The following LSG1 variants were observed in gnomAD, a reference collection of about 807,000 sequenced individuals.
The protein encoded by LSG1 is large subunit GTPase 1 homolog.
LSG1 carries 55 observed loss-of-function variants against 82.6 expected under a neutral mutation model. The observed-to-expected ratio is 0.67, with a 90% CI of 0.54 to 0.83. The LOEUF is 0.83. LSG1 is among the 40% of genes least tolerant of loss of function. LSG1 has a pLI of 0.00. For synonymous variants in LSG1, 272 were observed against 282.5 expected, an observed-to-expected ratio of 0.96 and a Z score of 0.37; for missense variants, 809 against 807.9, an observed-to-expected ratio of 1.00 and a Z score of -0.02.
chr3:194,652,884 A>T lies in LSG1; in HGVS notation c.1018T>A (p.Ser340Thr). The T allele has an allele frequency of 6.2e-7, 1 of 1,613,978 alleles. No individual in the cohort carries two copies. Among genetic ancestry groups the T allele is most frequent in the Non-Finnish European group, 8.5e-7 (1 of 1,180,024 alleles). ...CTCCGAGCCTCAGAATCTGCAGTAG[A>T]GCTTTCCTTCCAGTCCTGGCTGCAG... ...EDCSQDWKES[S>T]TADSEARSRK... The change falls in exon 8 of 14, where the codon TCT becomes ACT. Residue 340 changes from serine (S) to threonine (T), a missense_variant. By Grantham distance (58) the Ser-to-Thr change is moderately conservative (BLOSUM62 1). Coordinates refer to ENST00000265245, the MANE Select transcript of LSG1 (RefSeq NM_018385.3).
intron 7 of LSG1, among the ~76,000 whole-genome samples, chr3:194,654,201 G>A (rs1379040714): frequency 6.6e-6 from 1 of 152,188 alleles, no homozygotes; most frequent in Non-Finnish European, 1.5e-5. Context: ...TGTGTGAAAT[G>A]TGGCAGCAAA....
chr3:194,668,572 C>A (rs144580991), intron 2 of LSG1, among the ~76,000 whole-genome samples: 6 of 152,306 alleles, frequency 3.9e-5, no homozygotes, highest in African/African-American at 1.2e-4. Context: ...TTTACTCTAG[C>A]TCCTTAAGTG....
rs554502677 is a variant in LSG1 at position 194,641,006 on chromosome 3, A to C, written c.*1062T>G. ...GATGTGATGAGGACTCAATATCAGG[A>C]GAACAGCACTGAGCGGGTGGTGCTA... is the stretch of plus-strand genomic sequence containing the variant. On this transcript the variant is annotated 3_prime_UTR_variant, in exon 14 of 14. Coordinates refer to ENST00000265245, the MANE Select transcript of LSG1 (RefSeq NM_018385.3). The C allele has an allele frequency of 1.3e-5, 2 of 152,354 alleles. No homozygotes were observed. Among genetic ancestry groups the C allele is most frequent in the South Asian group, 4.1e-4 (2 of 4,830 alleles). 9.4% of individuals were successfully genotyped at this position (152,354 alleles called of 1,614,324 possible).
intron 12 of LSG1, chr3:194,645,531 GACAGACACACACACAC>G (rs1718512021): frequency 4.3e-4 from 15 of 35,116 alleles, no homozygotes; most frequent in African/African-American, 2.0e-3. Flanking sequence ...CACACACACA[GACAGACACACACACAC>G]ACACACACAC....
chr3:194,667,487 C>T (rs905808463), intron 2 of LSG1, among the ~76,000 whole-genome samples: 1 of 152,182 alleles, frequency 6.6e-6, no homozygotes, highest in African/African-American at 2.4e-5. Context: ...CTTCTCTTTC[C>T]CTGCCATAGT....
intron 1 of LSG1, chr3:194,671,834 C>T: frequency 3.5e-6 from 2 of 564,246 alleles, no homozygotes; most frequent in Non-Finnish European, 6.2e-6. Flanking sequence ...TTCAGATTCT[C>T]ACTCCACGCC....
Position 194,642,211 on chromosome 3 carries a change from C to G in LSG1, c.1834G>C (p.Val612Leu). The G allele has an allele frequency of 6.2e-7, 1 of 1,614,102 alleles. No individual in the cohort carries two copies. Among genetic ancestry groups the G allele is most frequent in the Non-Finnish European group, 8.5e-7 (1 of 1,180,006 alleles). The change falls in exon 14 of 14, where the codon GTG (valine) becomes CTG (leucine). Residue 612 changes from valine (V) to leucine (L), a missense_variant. Coordinates refer to ENST00000265245, the MANE Select transcript of LSG1 (RefSeq NM_018385.3). ...VRALTKGVQA[V>L]MGYKPGSGVV... ...CCACTCCCGGGCTTGTAACCCATCA[C>G]AGCCTGGACTCCTTTGGTCAAAGCC...
rs527889805 is a variant in LSG1 at position 194,658,932 on chromosome 3, C to T, written c.759+25G>A. ...AAATCAAAATTCCCTCTTTGAAAGC[C>T]AACCTAAAATGTCCCTCAGGTTACC... On this transcript the variant is annotated intron_variant, in intron 7 of 13. Coordinates refer to ENST00000265245, the MANE Select transcript of LSG1 (RefSeq NM_018385.3). 4.0e-5 allele frequency: 62 copies of T among 1,566,434 alleles called. 1 individual carries two copies. The African/African-American group carries it at 5.0e-4, about 13-fold the overall frequency.
rs372678566 is a variant in LSG1, at chr3:194,664,186, C to A, written c.521+1371G>T. ...CAGGCTGGTATCGAACTGCTGACTTCAAGTGATCCACCTGCCTGGACCTCC... is the reference window on the plus strand; with the variant it reads ...CAGGCTGGTATCGAACTGCTGACTTAAAGTGATCCACCTGCCTGGACCTCC... On this transcript the variant is annotated intron_variant, in intron 5 of 13. Coordinates refer to ENST00000265245, the MANE Select transcript of LSG1 (RefSeq NM_018385.3). Among the ~76,000 whole-genome samples, 16 of 152,316 alleles carry A rather than the reference C, an allele frequency of 1.1e-4. No homozygotes were observed. In the South Asian group the frequency reaches 3.3e-3, roughly 32 times the overall value.
chr3:194,664,015 C>T (rs1012138628), intron 5 of LSG1, among the ~76,000 whole-genome samples: 1 of 152,174 alleles, frequency 6.6e-6, no homozygotes, highest in African/African-American at 2.4e-5. Context: ...CTCTGTCACC[C>T]AGGCTGGAGT....
At chr3:194,652,690 AATC>A in intron 8 of LSG1, 36 bp downstream of exon 8, 1 of 1,575,342 alleles carries the variant, frequency 6.3e-7, no homozygotes, top group African/African-American at 1.3e-5. Flanking sequence ...GATTAAAGAC[AATC>A]ACGTGGTAAC....
intron 6 of LSG1, 101 bp downstream of exon 6, chr3:194,659,972 C>G: frequency 3.9e-6 from 4 of 1,023,578 alleles, no homozygotes; most frequent in Non-Finnish European, 6.1e-6. Flanking sequence ...TAAACGAAGC[C>G]AGAGAGGGCA....
intron 11 of LSG1, among the ~76,000 whole-genome samples, chr3:194,647,960 T>C (rs910882886): frequency 6.6e-6 from 1 of 152,156 alleles, no homozygotes; most frequent in African/African-American, 2.4e-5. Context: ...TCATATCAAA[T>C]CACCTTTCAC....
At chr3:194,652,208 G>A (rs764295215) in intron 8 of LSG1, among the ~76,000 whole-genome samples, 1 of 152,116 alleles carries the variant, frequency 6.6e-6, no homozygotes, top group African/African-American at 2.4e-5. Flanking sequence ...GCGCACTTCC[G>A]CAGCCACTTC....
chr3:194,658,258 C>G (rs1718848898), intron 7 of LSG1, among the ~76,000 whole-genome samples: 1 of 152,118 alleles, frequency 6.6e-6, no homozygotes. Context: ...GCCGATTCTC[C>G]TGCCTCAGCC....
chr3:194,647,057 AGCTGTCGACTG>A (rs1392194661), intron 11 of LSG1, among the ~76,000 whole-genome samples: 2 of 152,214 alleles, frequency 1.3e-5, no homozygotes, highest in African/African-American at 4.8e-5. Flanking sequence ...CTCACATACT[AGCTGTCGACTG>A]GCTTTTCCAG....
rs765182602 is a variant in LSG1 at position 194,669,993 on chromosome 3, G to A, written c.226+16C>T. 1 of 1,612,392 alleles carries A rather than the reference G, an allele frequency of 6.2e-7. No individual in the cohort carries two copies. The highest frequency in any genetic ancestry group is 8.5e-7 in the Non-Finnish European group (1 of 1,179,168). On this transcript the variant is annotated intron_variant, in intron 2 of 13. Coordinates refer to ENST00000265245, the MANE Select transcript of LSG1 (RefSeq NM_018385.3). ...AATGTGACAGTCTCACCTGCACTCA[G>A]CAATAAACAACTTACCAGCTACAAA... is the stretch of plus-strand genomic sequence containing the variant.
rs201450171 is a variant in LSG1, at chr3:194,642,194, G to A, written c.1851C>T (p.Pro617=). The change falls in exon 14 of 14, where the codon CCC becomes CCT. Residue 617 remains proline, a synonymous_variant. Coordinates refer to ENST00000265245, the MANE Select transcript of LSG1 (RefSeq NM_018385.3). ...TGGATGCAGTCACTACACCACTCCC[G>A]GGCTTGTAACCCATCACAGCCTGGA... ...KGVQAVMGYK[P]GSGVVTASTA... 513 of 1,613,932 alleles carry A rather than the reference G, an allele frequency of 3.2e-4. No homozygotes were observed. Among genetic ancestry groups the A allele is most frequent in the South Asian group, 1.4e-4 (13 of 91,046 alleles).
chr3:194,658,183 T>C (rs903103153), intron 7 of LSG1, among the ~76,000 whole-genome samples: 22 of 152,194 alleles, frequency 1.4e-4, no homozygotes, highest in African/African-American at 5.1e-4. Context: ...GTTTCGCTCT[T>C]GTTGCCCAGG....
Sources: allele counts gnomAD v4.1 joint callset (sites outside exome capture counted in the v4.1 genomes callset), GRCh38; gene constraint gnomAD v4.1.1; transcripts MANE v1.5; gene names NCBI Gene and HGNC (gene_info 2026-07-23, HGNC 2026-07-21).